RPTOR: variants seen among roughly 807,000 people sequenced by gnomAD.
RPTOR encodes the protein regulatory-associated protein of mTOR.
Under a neutral mutation model 169.9 loss-of-function variants are expected in RPTOR, and 21 were observed. The observed-to-expected ratio is 0.12, with a 90% CI of 0.09 to 0.18. The LOEUF (loss-of-function observed/expected upper bound fraction) is 0.18, where lower values mean the gene tolerates loss of function less well. Among genes scored for constraint, RPTOR ranks in the 10% least tolerant of loss-of-function variants. RPTOR has a pLI of 1.00. For missense variants in RPTOR, 1,133 were observed against 1,855.9 expected (o/e 0.61, Z 7.16); for synonymous variants, 732 against 753.2 (o/e 0.97, Z 0.46).
intron 3 of RPTOR, among the ~76,000 whole-genome samples, chr17:80,685,199 G>GCACCTCATTCGGAGTCGC: frequency 3.5e-4 from 53 of 151,158 alleles, no homozygotes; most frequent in African/African-American, 7.1e-4. Context: ...ATTCAGGGTC[G>GCACCTCATTCGGAGTCGC]CTTGTTGCGT....
At chr17:80,724,572 C>T (rs900681532) in intron 4 of RPTOR, among the ~76,000 whole-genome samples, 7 of 152,254 alleles carry the variant, frequency 4.6e-5, no homozygotes, top group Non-Finnish European at 7.4e-5. Flanking sequence ...GAGATGCTTG[C>T]GAGTTCTACC....
At chr17:80,575,400 T>C (rs2064953234) in intron 1 of RPTOR, among the ~76,000 whole-genome samples, 1 of 152,256 alleles carries the variant, frequency 6.6e-6, no homozygotes, top group African/African-American at 2.4e-5. Context: ...AGAAGACTTT[T>C]TCTAGGATTT....
At chr17:80,836,881 C>T (rs914662085) in intron 9 of RPTOR, among the ~76,000 whole-genome samples, 7 of 152,136 alleles carry the variant, frequency 4.6e-5, no homozygotes, top group Non-Finnish European at 1.0e-4. Context: ...TTCAGACTGC[C>T]GGCTGTTCCT....
At chr17:80,686,536 GA>G (rs1345774747) in intron 3 of RPTOR, among the ~76,000 whole-genome samples, 1 of 151,952 alleles carries the variant, frequency 6.6e-6, no homozygotes, top group African/African-American at 2.4e-5. Flanking sequence ...TGAATGAAGA[GA>G]AAGGTAAATT....
At chr17:80,593,514 A>G (rs982234914) in intron 1 of RPTOR, 8 of 154,742 alleles carry the variant, frequency 5.2e-5, no homozygotes, top group Admixed American at 2.0e-4. Context: ...TCCTTATCCA[A>G]CAAACCGCTT....
At chr17:80,838,048 T>C (rs1228934318) in intron 10 of RPTOR, 51 bp downstream of exon 10, 2 of 1,495,572 alleles carry the variant, frequency 1.3e-6, no homozygotes, top group Non-Finnish European at 1.8e-6. Flanking sequence ...GCCACTTCTC[T>C]GGGCACCTGG....
chr17:80,684,118 A>C (rs1166729637), intron 3 of RPTOR, among the ~76,000 whole-genome samples: 3 of 151,700 alleles, frequency 2.0e-5, no homozygotes, highest in Non-Finnish European at 2.9e-5. Flanking sequence ...TGTAGATGCC[A>C]TGGTCAGAGT....
intron 1 of RPTOR, among the ~76,000 whole-genome samples, chr17:80,622,223 T>C (rs1018628952): frequency 5.3e-5 from 8 of 152,140 alleles, no homozygotes; most frequent in Non-Finnish European, 1.0e-4. Context: ...AATCAATCCC[T>C]CTCCATATTA....
chr17:80,622,501 G>C (rs2065361588), intron 1 of RPTOR, among the ~76,000 whole-genome samples: 1 of 152,214 alleles, frequency 6.6e-6, no homozygotes, highest in African/African-American at 2.4e-5. Context: ...AGATGAAGGG[G>C]CCATTTGTCT....
chr17:80,944,360 T>A lies in RPTOR; in HGVS notation c.3026-1307T>A, dbSNP rs146824954. Among the ~76,000 whole-genome samples, 207 of 152,370 alleles carry A rather than the reference T, an allele frequency of 1.4e-3. 2 individuals carry two copies. The highest frequency in any genetic ancestry group is 4.7e-3 in the African/African-American group (197 of 41,588). Reference sequence around the variant, plus strand: ...CCCTACCGAGCTTATTCTGAAACTTTAGCACTTTCTTCATATAATCTGACC... The same window carrying A: ...CCCTACCGAGCTTATTCTGAAACTTAAGCACTTTCTTCATATAATCTGACC... On this transcript the variant is annotated intron_variant, in intron 25 of 33. Transcript: ENST00000306801.
chr17:80,814,121 A>G (rs2067300486), intron 7 of RPTOR, among the ~76,000 whole-genome samples: 2 of 152,212 alleles, frequency 1.3e-5, no homozygotes, highest in Admixed American at 6.5e-5. Context: ...AACCTGTGTG[A>G]CAGGGAGACC....
chr17:80,924,029 C>G (rs1341290890), intron 23 of RPTOR: 3 of 332,398 alleles, frequency 9.0e-6, no homozygotes, highest in Non-Finnish European at 1.7e-5. Flanking sequence ...TGGCTCTGCC[C>G]TTCCTGGGCA....
At chr17:80,756,701 T>C (rs1209133710) in intron 6 of RPTOR, among the ~76,000 whole-genome samples, 1 of 152,120 alleles carries the variant, frequency 6.6e-6, no homozygotes, top group Non-Finnish European at 1.5e-5. Context: ...GAAAAAACAG[T>C]CTTGAAAAGA....
At chr17:80,842,684 G>A (rs1020043627) in intron 10 of RPTOR, among the ~76,000 whole-genome samples, 2 of 152,306 alleles carry the variant, frequency 1.3e-5, no homozygotes, top group African/African-American at 4.8e-5. Context: ...GCCATTTATG[G>A]TTCCGGCTTT....
intron 1 of RPTOR, among the ~76,000 whole-genome samples, chr17:80,551,777 C>T (rs1461275872): frequency 3.3e-5 from 5 of 152,060 alleles, no homozygotes; most frequent in Non-Finnish European, 5.9e-5. Context: ...GGCTGGGGGA[C>T]GGTCAGGTCT....
At chr17:80,913,478 G>T (rs1335634807) in intron 21 of RPTOR, among the ~76,000 whole-genome samples, 1 of 150,904 alleles carries the variant, frequency 6.6e-6, no homozygotes, top group Non-Finnish European at 1.5e-5. Context: ...TTTGAGACAG[G>T]GTCTCACTCT....
At chr17:80,773,461 T>C (rs1202974823) in intron 6 of RPTOR, among the ~76,000 whole-genome samples, 3 of 152,216 alleles carry the variant, frequency 2.0e-5, no homozygotes, top group Non-Finnish European at 4.4e-5. Context: ...TAGGTCAGTT[T>C]TTCTTCTTCT....
intron 28 of RPTOR, 100 bp downstream of exon 28, chr17:80,949,647 G>C (rs1458719031): frequency 1.0e-6 from 1 of 957,058 alleles, no homozygotes; most frequent in East Asian, 2.4e-5. Flanking sequence ...TAAACAGGCT[G>C]CTCCACCTCA....
At chr17:80,628,197 A>C (rs1278122672) in intron 2 of RPTOR, among the ~76,000 whole-genome samples, 1 of 152,190 alleles carries the variant, frequency 6.6e-6, no homozygotes, top group Non-Finnish European at 1.5e-5. Flanking sequence ...AGATCTTTAA[A>C]AATAATGAAT....
Sources: gnomAD v4.1 joint callset for allele counts (sites outside exome capture counted in the v4.1 genomes callset) on GRCh38, gnomAD v4.1.1 for gene constraint, MANE v1.5 for transcripts, NCBI Gene and HGNC (gene_info 2026-07-23, HGNC 2026-07-21) for gene names.